TRPM1: variants seen among roughly 807,000 people sequenced by gnomAD.
The protein encoded by TRPM1 is transient receptor potential cation channel subfamily M member 1.
TRPM1 carries 113 observed loss-of-function variants against 149.4 expected under a neutral mutation model. That is an observed-to-expected ratio of 0.76 (90% CI 0.65 to 0.88). The LOEUF (loss-of-function observed/expected upper bound fraction) is 0.88, where lower values mean the gene tolerates loss of function less well. Ranked by LOEUF, TRPM1 falls within the 40% of genes least tolerant of loss-of-function variation. The pLI, the probability that TRPM1 is intolerant of heterozygous loss-of-function variation, is 0.00. For synonymous variants in TRPM1, 741 were observed against 759.5 expected, an observed-to-expected ratio of 0.98 and a Z score of 0.40; for missense variants, 1,976 against 2,038.7, an observed-to-expected ratio of 0.97 and a Z score of 0.59.
intron 1 of TRPM1, among the ~76,000 whole-genome samples, chr15:31,087,664 T>C (rs2035040887): frequency 6.6e-6 from 1 of 152,188 alleles, no homozygotes; most frequent in South Asian, 2.1e-4. Context: ...AAATGTGATC[T>C]ATCCACACAA....
chr15:31,147,787 A>G (rs2036241185), intron 1 of TRPM1, among the ~76,000 whole-genome samples: 1 of 152,154 alleles, frequency 6.6e-6, no homozygotes, highest in Non-Finnish European at 1.5e-5. Flanking sequence ...GTGGAAAAAA[A>G]CCTATAACTT....
intron 23 of TRPM1, among the ~76,000 whole-genome samples, chr15:31,029,926 G>C (rs935156211): frequency 2.0e-5 from 3 of 151,844 alleles, no homozygotes; most frequent in African/African-American, 7.3e-5. Flanking sequence ...AAATACTACA[G>C]TTTATGCCTG....
At chr15:31,130,343 T>G (rs2141042468) in intron 1 of TRPM1, among the ~76,000 whole-genome samples, 1 of 152,346 alleles carries the variant, frequency 6.6e-6, no homozygotes, top group Admixed American at 6.5e-5. Context: ...CCATCTTGCT[T>G]CTAACCTCCA....
At chr15:31,073,691 C>G (rs1176662226) in intron 3 of TRPM1, among the ~76,000 whole-genome samples, 1 of 151,884 alleles carries the variant, frequency 6.6e-6, no homozygotes, top group Admixed American at 6.6e-5. Context: ...AATATTTTTT[C>G]TTTCTTTATT....
intron 1 of TRPM1, among the ~76,000 whole-genome samples, chr15:31,157,267 A>C (rs1020090265): frequency 1.3e-5 from 2 of 152,200 alleles, no homozygotes; most frequent in Admixed American, 6.5e-5. Context: ...ATGTTGATAC[A>C]GGTGGCTTGG....
chr15:31,114,588 A>G lies in TRPM1; in HGVS notation c.55-37604T>C, dbSNP rs531205515. ...GTACAATTTTAAGACATTGCAAAAG[A>G]AAAAGATTATCTTCTATACAGCAGA... On this transcript the variant is annotated intron_variant, in intron 1 of 26. Coordinates refer to the TRPM1 transcript ENST00000542188. Among the ~76,000 whole-genome samples the G allele has an allele frequency of 5.3e-5, 8 of 152,354 alleles. No individual in the cohort carries two copies. In the South Asian group the frequency reaches 8.3e-4, roughly 16 times the overall value.
intron 12 of TRPM1, 54 bp from the exon 13 acceptor site, chr15:31,049,563 A>AG: frequency 1.2e-6 from 2 of 1,607,248 alleles, no homozygotes; most frequent in East Asian, 2.2e-5. Flanking sequence ...GACACAGGGG[A>AG]GGGGGGCGAC....
At chr15:31,011,999 T>C (rs888182127) in intron 27 of TRPM1, among the ~76,000 whole-genome samples, 1 of 152,200 alleles carries the variant, frequency 6.6e-6, no homozygotes, top group African/African-American at 2.4e-5. Context: ...ACACAAAGTT[T>C]ACTCTTATAA....
At chr15:31,127,656 G>A (rs958280379) in intron 1 of TRPM1, among the ~76,000 whole-genome samples, 5 of 152,148 alleles carry the variant, frequency 3.3e-5, no homozygotes, top group Non-Finnish European at 5.9e-5. Context: ...GTCACAAAGA[G>A]CTCAGTTCCA....
intron 25 of TRPM1, among the ~76,000 whole-genome samples, chr15:31,027,424 C>T (rs1262572308): frequency 6.6e-6 from 1 of 152,150 alleles, no homozygotes; most frequent in Non-Finnish European, 1.5e-5. Context: ...GCGGTATAAG[C>T]CATTTAACTA....
At chr15:31,071,881 T>C (rs2034548569) in intron 3 of TRPM1, among the ~76,000 whole-genome samples, 1 of 150,056 alleles carries the variant, frequency 6.7e-6, no homozygotes, top group Admixed American at 6.6e-5. Flanking sequence ...GGAGAATCGT[T>C]TGAACCCCGG....
chr15:31,040,279 T>G lies in TRPM1; in HGVS notation c.2155A>C (p.Lys719Gln). ...SYKHDEQIAM[K>Q]LLTYELKNWS... ...TTTTTCAGCTCGTAGGTCAGGAGTTTCATAGCGATCTGCTCGTCATGCTTA... is the reference window on the plus strand; with the variant it reads ...TTTTTCAGCTCGTAGGTCAGGAGTTGCATAGCGATCTGCTCGTCATGCTTA... Residue 719 changes from lysine (K) to glutamine (Q), a missense_variant, in exon 18 of 28, where the codon AAA becomes CAA. Physicochemically the swap from Lys to Gln is moderately conservative, Grantham distance 53 (BLOSUM62 1). Around this residue, in one of 3 missense-constraint regions of TRPM1, gnomAD observed 1,332 missense variants for 1,347.1 expected, o/e 0.99. Transcript: ENST00000256552. This position sits in a 1 kb window ranked among gnomAD's most constrained non-coding sequence, Gnocchi z 4.2. The G allele has an allele frequency of 6.2e-7, 1 of 1,614,152 alleles. No individual in the cohort carries two copies. Among genetic ancestry groups the G allele is most frequent in the South Asian group, 1.1e-5 (1 of 91,088 alleles).
In TRPM1 at chr15:31,161,101, T is replaced by C. The variant is rs1368786019; in HGVS notation, c.-142A>G. ...CACACTCGGCGGCAGCCCCACGCAC[T>C]GGGCGAGGGGGCCGAGATCCTGGGG... On this transcript the variant is annotated 5_prime_UTR_variant, in exon 1 of 27. Coordinates refer to the TRPM1 transcript ENST00000542188. The C allele has an allele frequency of 6.3e-6, 5 of 791,786 alleles. No individual in the cohort carries two copies. In the East Asian group the frequency reaches 1.4e-4, roughly 21 times the overall value. The allele number at this position is 791,786 out of a possible 1,614,324, so 49.0% of individuals were successfully genotyped here.
chr15:31,124,182 G>A (rs2035915010), intron 1 of TRPM1, among the ~76,000 whole-genome samples: 1 of 152,026 alleles, frequency 6.6e-6, no homozygotes, highest in Non-Finnish European at 1.5e-5. Flanking sequence ...CTACTTGGGA[G>A]GCTGAAGCAG....
chr15:31,062,993 G>A (rs2034273241), intron 8 of TRPM1, 125 bp downstream of exon 8: 1 of 1,333,308 alleles, frequency 7.5e-7, no homozygotes, highest in Non-Finnish European at 1.1e-6. Context: ...TGGGAGAGGA[G>A]ATCTAGCAAA....
chr15:31,018,756 C>T (rs1357640271), intron 27 of TRPM1, among the ~76,000 whole-genome samples: 2 of 152,226 alleles, frequency 1.3e-5, no homozygotes, highest in Non-Finnish European at 1.5e-5. Flanking sequence ...AACTCCGCCT[C>T]TCCGGTTCAA....
chr15:31,023,129 C>G (rs1183364960), intron 27 of TRPM1, among the ~76,000 whole-genome samples: 2 of 152,210 alleles, frequency 1.3e-5, no homozygotes, highest in East Asian at 3.8e-4. Context: ...TGCCTTCATG[C>G]AGCTTAAGGC....
chr15:31,052,209 A>G (rs1366517962), intron 11 of TRPM1, among the ~76,000 whole-genome samples: 2 of 152,226 alleles, frequency 1.3e-5, no homozygotes, highest in Non-Finnish European at 2.9e-5. Context: ...ACCCTTAAGT[A>G]GGGCTGAGGC....
At position 31,127,823 on chromosome 15, in the gene TRPM1, C is replaced by T. The variant is rs565733331; in HGVS notation, c.54+33083G>A. ...GAGCCCCAGAAATGAGGCAGGCGCT[C>T]GGCTCCCAGAGGATGAGAAACAAGG... On this transcript the variant is annotated intron_variant, in intron 1 of 26. Coordinates refer to the TRPM1 transcript ENST00000542188. 5.3e-4 allele frequency among the ~76,000 whole-genome samples: 80 copies of T among 152,272 alleles called. 1 individual carries two copies. Among genetic ancestry groups the T allele is most frequent in the Middle Eastern group, 6.8e-3 (2 of 294 alleles).
Sources: allele counts gnomAD v4.1 joint callset (sites outside exome capture counted in the v4.1 genomes callset), GRCh38; gene constraint gnomAD v4.1.1; regional missense constraint gnomAD v4.1.1; non-coding constraint Gnocchi (gnomAD v3.1); transcripts MANE v1.5; gene names NCBI Gene and HGNC (gene_info 2026-07-23, HGNC 2026-07-21).